CFAP47: variants seen among roughly 807,000 people sequenced by gnomAD.
CFAP47 encodes cilia- and flagella-associated protein 47.
A neutral mutation model predicts 148.1 loss-of-function variants in CFAP47; 29 were observed. The ratio of observed to expected loss-of-function variants is 0.20; its 90% confidence interval spans 0.15 to 0.27. The LOEUF (loss-of-function observed/expected upper bound fraction) is 0.27, where lower values mean the gene tolerates loss of function less well. Ranked by LOEUF, CFAP47 falls within the 10% of genes least tolerant of loss-of-function variation. The pLI, the probability that CFAP47 is intolerant of heterozygous loss-of-function variation, is 1.00. For synonymous variants in CFAP47, 664 were observed against 577.3 expected, an observed-to-expected ratio of 1.15 and a Z score of -2.15; for missense variants, 1,872 against 1,697.5, an observed-to-expected ratio of 1.10 and a Z score of -1.81.
At chrX:36,278,380 C>T (rs1178156325) in intron 49 of CFAP47, among the ~76,000 whole-genome samples, 2 of 112,797 alleles carry the variant, frequency 1.8e-5, no homozygotes, top group Non-Finnish European at 3.8e-5. Context: ...GCTCCGTGGG[C>T]GTGGGACCCG....
chrX:36,246,321 C>T (rs1034345198), intron 48 of CFAP47, among the ~76,000 whole-genome samples: 2 of 111,747 alleles, frequency 1.8e-5, no homozygotes, highest in African/African-American at 6.5e-5. Flanking sequence ...TGCTCATCAT[C>T]ACTAATCATC....
At chrX:36,341,007 C>T (rs933514858) in intron 57 of CFAP47, among the ~76,000 whole-genome samples, 4 of 106,389 alleles carry the variant, frequency 3.8e-5, no homozygotes, top group Middle Eastern at 5.0e-3. Context: ...AATAGTACTA[C>T]TTATGGTGCT....
intron 49 of CFAP47, among the ~76,000 whole-genome samples, chrX:36,273,443 A>C (rs1388550056): frequency 9.0e-6 from 1 of 111,487 alleles, no homozygotes; most frequent in Non-Finnish European, 1.9e-5. Flanking sequence ...GACAAACTGA[A>C]AATCTCCATT....
At chrX:36,116,373 C>T (rs773160356) in intron 33 of CFAP47, among the ~76,000 whole-genome samples, 6 of 112,227 alleles carry the variant, frequency 5.3e-5, no homozygotes, top group Admixed American at 9.5e-5. Flanking sequence ...GCTCCATCCA[C>T]GTTCCTGCAA....
intron 8 of CFAP47, among the ~76,000 whole-genome samples, chrX:35,959,752 G>A (rs1195988288): frequency 1.9e-5 from 2 of 107,679 alleles, no homozygotes; most frequent in East Asian, 2.9e-4. Flanking sequence ...GGTTGCGCAC[G>A]CTTGTAATCC....
At position 36,071,936 on chromosome X, in the gene CFAP47, A is replaced by G; in HGVS notation, c.4430A>G (p.Asn1477Ser). 8.3e-7 allele frequency: 1 copy of G among 1,208,308 alleles called. No individual in the cohort carries two copies. The highest frequency in any genetic ancestry group is 1.1e-6 in the Non-Finnish European group (1 of 893,597). Residue 1477 changes from asparagine to serine, a missense_variant, in exon 28 of 64, where the codon AAT becomes AGT. Physicochemically the swap from Asn to Ser is conservative, Grantham distance 46. Transcript: ENST00000378653. Reference protein sequence around the residue: ...IKKTYTTSKFNDAEPAKGNLF... With the variant: ...IKKTYTTSKFSDAEPAKGNLF... ...AAGACATACACCACTAGCAAATTCA[A>G]TGATGCTGAACCTGCAAAGGGAAAC...
At chrX:36,131,787 A>G (rs1049393376) in intron 33 of CFAP47, among the ~76,000 whole-genome samples, 5 of 111,713 alleles carry the variant, frequency 4.5e-5, no homozygotes, top group Non-Finnish European at 9.5e-5. Context: ...TTTCTATGAC[A>G]TGTCCATAAT....
intron 2 of CFAP47, among the ~76,000 whole-genome samples, chrX:35,930,819 T>C (rs1935815674): frequency 8.9e-6 from 1 of 111,834 alleles, no homozygotes; most frequent in African/African-American, 3.2e-5. Context: ...ATGTTGAACA[T>C]GTGTGTATTT....
Position 36,371,127 on chromosome X carries a change from A to G in CFAP47, c.9185+4000A>G, listed in dbSNP as rs1422089943. Among the ~76,000 whole-genome samples the G allele has an allele frequency of 2.7e-5, 3 of 112,082 alleles. No homozygotes were observed. The Admixed American group carries it at 2.9e-4, about 11-fold the overall frequency. ...TTTTATGTGCATATAAGTGATTAGCAATAAGTAAAACTTTTGAGAAATATA... is the reference window on the plus strand; with the variant it reads ...TTTTATGTGCATATAAGTGATTAGCGATAAGTAAAACTTTTGAGAAATATA... On this transcript the variant is annotated intron_variant, in intron 62 of 63. Transcript: ENST00000378653.
chrX:36,361,749 A>G lies in CFAP47; in HGVS notation c.9023+248A>G, dbSNP rs782261326. On this transcript the variant is annotated intron_variant, in intron 61 of 63. Transcript: ENST00000378653. ...TTCCCTAAGGTCATTAGTGTATCAC[A>G]TTAATGAAAGAGAATATTCTCTTCT... 1.6e-4 allele frequency among the ~76,000 whole-genome samples: 18 copies of G among 111,962 alleles called. No individual in the cohort carries two copies. The South Asian group carries it at 5.5e-3, about 34-fold the overall frequency.
At chrX:36,262,021 T>G (rs1374072985) in intron 49 of CFAP47, among the ~76,000 whole-genome samples, 1 of 112,314 alleles carries the variant, frequency 8.9e-6, no homozygotes, top group African/African-American at 3.2e-5. Flanking sequence ...CCTCCTGTAG[T>G]ATAGTTTCAA....
intron 35 of CFAP47, among the ~76,000 whole-genome samples, chrX:36,140,449 A>T (rs1939119633): frequency 8.9e-6 from 1 of 111,811 alleles, no homozygotes; most frequent in Admixed American, 9.5e-5. Context: ...AGTCAAAAAT[A>T]ATTTAAAAAT....
At chrX:36,251,689 T>C (rs1265770081) in intron 49 of CFAP47, among the ~76,000 whole-genome samples, 1 of 111,540 alleles carries the variant, frequency 9.0e-6, no homozygotes, top group Non-Finnish European at 1.9e-5. Flanking sequence ...TTTCTATAAA[T>C]GAAAATATTT....
intron 6 of CFAP47, among the ~76,000 whole-genome samples, chrX:35,952,815 ATTC>A (rs1428454489): frequency 8.9e-6 from 1 of 112,255 alleles, no homozygotes; most frequent in Non-Finnish European, 1.9e-5. Flanking sequence ...GAAATATTCT[ATTC>A]TTTTTTCATG....
chrX:36,057,167 A>G lies in CFAP47; in HGVS notation c.4218-8476A>G, dbSNP rs17272986. ...TTTCTCCATCCATCCATACACTCAT[A>G]TTGCAGTCTTTTTTACATGCTGTAT... On this transcript the variant is annotated intron_variant, in intron 26 of 63. Transcript: ENST00000378653. 1.0e-3 allele frequency among the ~76,000 whole-genome samples: 116 copies of G among 111,658 alleles called. No homozygotes were observed. The East Asian group carries it at 0.029, about 28-fold the overall frequency.
chrX:36,201,134 G>A (rs923148792), intron 43 of CFAP47, 140 bp from the exon 44 acceptor site: 1 of 285,224 alleles, frequency 3.5e-6, no homozygotes, highest in Non-Finnish European at 6.1e-6. Flanking sequence ...ATAGACATGT[G>A]CTATGCATTT....
At chrX:36,283,056 C>A in intron 50 of CFAP47, among the ~76,000 whole-genome samples, 1 of 110,372 alleles carries the variant, frequency 9.1e-6, no homozygotes, top group East Asian at 2.8e-4. Flanking sequence ...ATTGTATACA[C>A]CCCAGTATAT....
intron 39 of CFAP47, among the ~76,000 whole-genome samples, chrX:36,167,889 G>C (rs1373921979): frequency 1.8e-5 from 2 of 111,628 alleles, no homozygotes; most frequent in Non-Finnish European, 3.8e-5. Context: ...GAATTTCAAA[G>C]TGTTTTTTTG....
chrX:36,287,042 C>T (rs2146948372), intron 51 of CFAP47, among the ~76,000 whole-genome samples: 1 of 110,777 alleles, frequency 9.0e-6, no homozygotes, highest in African/African-American at 3.3e-5. Flanking sequence ...CTGAGAAATA[C>T]ACACCATCAG....
Sources: gnomAD v4.1 joint callset for allele counts (sites outside exome capture counted in the v4.1 genomes callset) on GRCh38, gnomAD v4.1.1 for gene constraint, MANE v1.5 for transcripts, NCBI Gene and HGNC (gene_info 2026-07-23, HGNC 2026-07-21) for gene names.